ASIC2: variants seen among roughly 807,000 people sequenced by gnomAD.
The protein encoded by ASIC2 is acid sensing ion channel subunit 2.
In ASIC2, 25 loss-of-function variants were observed where a neutral mutation model predicts 57.3. That is an observed-to-expected ratio of 0.44 (90% CI 0.32 to 0.61). The LOEUF is 0.61. ASIC2 is among the 20% of genes least tolerant of loss of function. ASIC2 has a pLI of 0.06. For synonymous variants in ASIC2, 319 were observed against 307.5 expected, an observed-to-expected ratio of 1.04 and a Z score of -0.39; for missense variants, 641 against 738.1, an observed-to-expected ratio of 0.87 and a Z score of 1.52.
intron 1 of ASIC2, among the ~76,000 whole-genome samples, chr17:33,162,887 T>C (rs1905201514): frequency 6.6e-6 from 1 of 152,212 alleles, no homozygotes; most frequent in Admixed American, 6.5e-5. Context: ...TGAAGCACAC[T>C]CCTTCGTCTT....
chr17:33,063,551 C>T (rs1204683694), intron 3 of ASIC2, among the ~76,000 whole-genome samples: 1 of 152,178 alleles, frequency 6.6e-6, no homozygotes, highest in Non-Finnish European at 1.5e-5. Context: ...TGATGGGCTT[C>T]CCTTTGTGGG....
chr17:34,149,678 A>G (rs1036542670), intron 1 of ASIC2, among the ~76,000 whole-genome samples: 2 of 152,238 alleles, frequency 1.3e-5, no homozygotes, highest in African/African-American at 4.8e-5. Context: ...GTAAAAAGTT[A>G]GCAATGCGAT....
intron 1 of ASIC2, among the ~76,000 whole-genome samples, chr17:33,910,930 A>G (rs1390598716): frequency 6.6e-6 from 1 of 152,192 alleles, no homozygotes; most frequent in Non-Finnish European, 1.5e-5. Context: ...GTGCAGAAAC[A>G]TGTCCCCAGG....
chr17:33,139,422 A>C (rs138170535), intron 1 of ASIC2, among the ~76,000 whole-genome samples: 312 of 152,346 alleles, frequency 2.0e-3, no homozygotes, highest in African/African-American at 7.3e-3. Context: ...TTCTGTGTCC[A>C]GAATTTGCTA....
At chr17:33,249,648 G>A (rs1168243070) in intron 1 of ASIC2, among the ~76,000 whole-genome samples, 4 of 152,208 alleles carry the variant, frequency 2.6e-5, no homozygotes, top group African/African-American at 9.6e-5. Flanking sequence ...TCTCAGCCAG[G>A]GCTGCAGCCC....
chr17:33,430,131 C>G (rs561587304), intron 1 of ASIC2, among the ~76,000 whole-genome samples: 1 of 152,300 alleles, frequency 6.6e-6, no homozygotes, highest in African/African-American at 2.4e-5. Flanking sequence ...CCACTGAAAC[C>G]CTGGCTCCTC....
At chr17:34,020,743 C>T (rs1476710895) in intron 1 of ASIC2, among the ~76,000 whole-genome samples, 1 of 152,120 alleles carries the variant, frequency 6.6e-6, no homozygotes, top group Non-Finnish European at 1.5e-5. Flanking sequence ...AGCTCAGAAA[C>T]ATTCTTTCCC....
At chr17:34,018,849 T>A (rs958835526) in intron 1 of ASIC2, among the ~76,000 whole-genome samples, 19 of 152,206 alleles carry the variant, frequency 1.2e-4, no homozygotes, top group Non-Finnish European at 2.2e-4. Flanking sequence ...AATCTCATGA[T>A]ATAATCTTAA....
At chr17:33,654,278 A>G (rs928472117) in intron 1 of ASIC2, among the ~76,000 whole-genome samples, 1 of 152,266 alleles carries the variant, frequency 6.6e-6, no homozygotes, top group African/African-American at 2.4e-5. Flanking sequence ...CACAGAGGTC[A>G]AGAGGAGACC....
intron 1 of ASIC2, among the ~76,000 whole-genome samples, chr17:33,848,237 G>A (rs990132720): frequency 4.6e-5 from 7 of 151,942 alleles, no homozygotes; most frequent in African/African-American, 7.3e-5. Context: ...ATGGGCCCCC[G>A]AAGCAGCCAC....
intron 1 of ASIC2, among the ~76,000 whole-genome samples, chr17:33,974,767 G>T (rs1372050692): frequency 6.6e-6 from 1 of 151,340 alleles, no homozygotes; most frequent in African/African-American, 2.4e-5. Flanking sequence ...TTTGTGGATT[G>T]CCCAGTATCC....
chr17:33,900,248 G>A (rs530489863), intron 1 of ASIC2, among the ~76,000 whole-genome samples: 2 of 152,258 alleles, frequency 1.3e-5, no homozygotes, highest in Admixed American at 1.3e-4. Context: ...TGGAGAGAAG[G>A]GCAGAGTTCA....
intron 1 of ASIC2, among the ~76,000 whole-genome samples, chr17:33,205,438 T>A (rs181483677): frequency 1.3e-5 from 2 of 152,374 alleles, no homozygotes; most frequent in Admixed American, 1.3e-4. Flanking sequence ...TACATATATA[T>A]GTATCCTTCT....
intron 1 of ASIC2, among the ~76,000 whole-genome samples, chr17:34,104,913 CTT>C (rs1256149907): frequency 1.3e-5 from 2 of 151,742 alleles, no homozygotes; most frequent in Admixed American, 6.6e-5. Flanking sequence ...CTTTTAATGT[CTT>C]TGTCATGGTT....
chr17:33,518,952 C>T (rs946131389), intron 1 of ASIC2, among the ~76,000 whole-genome samples: 2 of 151,960 alleles, frequency 1.3e-5, no homozygotes, highest in African/African-American at 4.8e-5. Flanking sequence ...TCCCGAGTAG[C>T]TGGGACTACA....
chr17:33,785,675 C>T (rs1911581357), intron 1 of ASIC2, among the ~76,000 whole-genome samples: 1 of 152,176 alleles, frequency 6.6e-6, no homozygotes, highest in Non-Finnish European at 1.5e-5. Context: ...GAAAGTGGTA[C>T]TTGAGTCATC....
At chr17:34,034,426 G>A (rs1428824934) in intron 1 of ASIC2, among the ~76,000 whole-genome samples, 5 of 152,120 alleles carry the variant, frequency 3.3e-5, no homozygotes, top group East Asian at 3.9e-4. Flanking sequence ...GCAAAAACTC[G>A]AAGCATTCCC....
At chr17:33,291,146 C>G (rs731601) in intron 1 of ASIC2, 1 of 628,896 alleles carries the variant, frequency 1.6e-6, no homozygotes, top group Non-Finnish European at 2.5e-6. Context: ...AGAATGAGGG[C>G]TTTGGGGGCT....
At chr17:33,932,729 A>T (rs1324337232) in intron 1 of ASIC2, 2,105 of 106,060 alleles carry the variant, frequency 0.02, 75 homozygotes, top group Middle Eastern at 0.076. Context: ...AAAAAAAAAA[A>T]AAAAAAAAAA....
Sources: allele counts gnomAD v4.1 joint callset (sites outside exome capture counted in the v4.1 genomes callset), GRCh38; gene constraint gnomAD v4.1.1; transcripts MANE v1.5; gene names NCBI Gene and HGNC (gene_info 2026-07-23, HGNC 2026-07-21).